The following KIF16B variants were observed in gnomAD, a reference collection of about 807,000 sequenced individuals.
The protein encoded by KIF16B is kinesin family member 16B, also known as kinesin-like protein KIF16B.
KIF16B carries 98 observed loss-of-function variants against 156.3 expected under a neutral mutation model. The ratio of observed to expected loss-of-function variants is 0.63; its 90% CI spans 0.53 to 0.74. The LOEUF is 0.74. Among genes scored for constraint, KIF16B ranks in the 30% least tolerant of loss-of-function variants. The pLI, the probability that KIF16B is intolerant of heterozygous loss-of-function variation, is 0.00. For synonymous variants in KIF16B, 564 were observed against 583.7 expected (o/e 0.97, Z 0.49); for missense variants, 1,421 against 1,606.5 (o/e 0.88, Z 1.97).
In KIF16B at chr20:16,370,617, T is replaced by A; in HGVS notation, c.3467A>T (p.Asn1156Ile). 1.3e-6 allele frequency: 2 copies of A among 1,580,674 alleles called. No homozygotes were observed. Residue 1156 changes from asparagine to isoleucine, a missense_variant, in exon 22 of 26, where the codon AAT becomes ATT. Coordinates refer to ENST00000354981, the MANE Select transcript of KIF16B (RefSeq NM_024704.5). Reference protein sequence around the residue: ...DTMKDNEKLHNGTIQRKLKYE... With the variant: ...DTMKDNEKLHIGTIQRKLKYE... ...TTTTAGTTTACGTTGAATGGTGCCATTGTGAAGTTTCTCATTATCCTGAAA... is the reference window on the plus strand; with the variant it reads ...TTTTAGTTTACGTTGAATGGTGCCAATGTGAAGTTTCTCATTATCCTGAAA...
intron 22 of KIF16B, among the ~76,000 whole-genome samples, chr20:16,362,922 T>A (rs2064578280): frequency 6.6e-6 from 1 of 152,232 alleles, no homozygotes; most frequent in Non-Finnish European, 1.5e-5. Flanking sequence ...GAGTGACTTA[T>A]AATAGAATCT....
chr20:16,285,459 T>G (rs1258333320), intron 25 of KIF16B, among the ~76,000 whole-genome samples: 1 of 152,192 alleles, frequency 6.6e-6, no homozygotes, highest in Admixed American at 6.5e-5. Context: ...CAAAAAAATT[T>G]ATTGTTATTA....
chr20:16,395,970 G>GGCATATGTACATGCCAGGCATGTACAA (rs2065490465), intron 17 of KIF16B, among the ~76,000 whole-genome samples: 1 of 152,078 alleles, frequency 6.6e-6, no homozygotes, highest in Non-Finnish European at 1.5e-5. Flanking sequence ...TATGTACTCT[G>GGCATATGTACATGCCAGGCATGTACAA]GCCTGGCAAT....
intron 1 of KIF16B, among the ~76,000 whole-genome samples, chr20:16,557,198 T>G (rs1489128078): frequency 6.6e-6 from 1 of 151,564 alleles, no homozygotes; most frequent in African/African-American, 2.4e-5. Context: ...ATATGTTTTT[T>G]GAGATGGAGT....
chr20:16,355,091 G>C (rs1245392979), intron 23 of KIF16B, among the ~76,000 whole-genome samples: 3 of 151,746 alleles, frequency 2.0e-5, no homozygotes, highest in African/African-American at 7.3e-5. Flanking sequence ...AGTCTGGTTA[G>C]CTAGAAAAGA....
chr20:16,409,269 A>G (rs1164803081), intron 15 of KIF16B, among the ~76,000 whole-genome samples: 1 of 152,118 alleles, frequency 6.6e-6, no homozygotes, highest in East Asian at 1.9e-4. Context: ...GATTGATGAT[A>G]ATAATGAGGA....
intron 10 of KIF16B, among the ~76,000 whole-genome samples, chr20:16,502,647 A>G (rs2068658958): frequency 6.6e-6 from 1 of 152,214 alleles, no homozygotes; most frequent in African/African-American, 2.4e-5. Context: ...ATATGGCATA[A>G]CAATACCTCT....
intron 18 of KIF16B, among the ~76,000 whole-genome samples, chr20:16,380,686 G>A (rs1399820417): frequency 6.6e-6 from 1 of 152,166 alleles, no homozygotes; most frequent in Non-Finnish European, 1.5e-5. Context: ...TGGGACAAAT[G>A]GTGATCACCA....
intron 3 of KIF16B, among the ~76,000 whole-genome samples, chr20:16,524,613 T>C (rs1199378841): frequency 6.6e-6 from 1 of 152,206 alleles, no homozygotes; most frequent in Non-Finnish European, 1.5e-5. Flanking sequence ...TGGAAGACAG[T>C]GTGGCGATTC....
At chr20:16,348,171 A>T (rs2064269064) in intron 23 of KIF16B, among the ~76,000 whole-genome samples, 1 of 152,258 alleles carries the variant, frequency 6.6e-6, no homozygotes, top group African/African-American at 2.4e-5. Flanking sequence ...AAATAACAGT[A>T]GATTTTGAAA....
chr20:16,515,946 T>C (rs2069131074), intron 3 of KIF16B, among the ~76,000 whole-genome samples: 1 of 152,098 alleles, frequency 6.6e-6, no homozygotes, highest in Non-Finnish European at 1.5e-5. Flanking sequence ...AAAGTGAAAA[T>C]CATGTTTAGA....
At chr20:16,372,839 A>T (rs2064855534) in intron 20 of KIF16B, among the ~76,000 whole-genome samples, 1 of 152,172 alleles carries the variant, frequency 6.6e-6, no homozygotes, top group Non-Finnish European at 1.5e-5. Flanking sequence ...CTGGGATTAC[A>T]GGCACCCGCC....
At chr20:16,508,317 T>C (rs984030301) in intron 6 of KIF16B, among the ~76,000 whole-genome samples, 11 of 152,156 alleles carry the variant, frequency 7.2e-5, no homozygotes, top group African/African-American at 2.4e-4. Flanking sequence ...TGGACTTACA[T>C]AGTTATGGAC....
intron 15 of KIF16B, among the ~76,000 whole-genome samples, chr20:16,422,571 G>A (rs916989948): frequency 2.6e-5 from 4 of 152,224 alleles, no homozygotes; most frequent in African/African-American, 9.6e-5. Context: ...GGTGGATCCA[G>A]CAGCCAGTAT....
intron 17 of KIF16B, among the ~76,000 whole-genome samples, chr20:16,401,063 T>C (rs2065643651): frequency 6.7e-6 from 1 of 149,610 alleles, no homozygotes; most frequent in African/African-American, 2.5e-5. Flanking sequence ...AGGTGGCAAG[T>C]TGCAGGGGCC....
intron 24 of KIF16B, among the ~76,000 whole-genome samples, chr20:16,319,158 G>A (rs2063739394): frequency 6.6e-6 from 1 of 152,124 alleles, no homozygotes; most frequent in Non-Finnish European, 1.5e-5. Context: ...ATATAATGGG[G>A]TGTCCTGGGT....
intron 12 of KIF16B, among the ~76,000 whole-genome samples, chr20:16,491,574 A>G (rs537944133): frequency 6.6e-6 from 1 of 152,328 alleles, no homozygotes; most frequent in Admixed American, 6.5e-5. Context: ...GGATATAAGG[A>G]AGAGGTTGCC....
intron 17 of KIF16B, among the ~76,000 whole-genome samples, chr20:16,383,738 CT>C (rs538578451): frequency 7.9e-5 from 12 of 152,270 alleles, no homozygotes; most frequent in Admixed American, 2.0e-4. Context: ...GGATAAAATA[CT>C]TTTTAAAATC....
At chr20:16,300,793 C>T (rs956620938) in intron 25 of KIF16B, among the ~76,000 whole-genome samples, 23 of 152,140 alleles carry the variant, frequency 1.5e-4, no homozygotes, top group African/African-American at 5.1e-4. Flanking sequence ...AATCCCACAC[C>T]AGAGTGGCAT....
Sources: allele counts gnomAD v4.1 joint callset (sites outside exome capture counted in the v4.1 genomes callset), GRCh38; gene constraint gnomAD v4.1.1; transcripts MANE v1.5; gene names NCBI Gene and HGNC (gene_info 2026-07-23, HGNC 2026-07-21).